AKAP10: variants seen among roughly 807,000 people sequenced by gnomAD.
The protein encoded by AKAP10 is A-kinase anchor protein 10, mitochondrial.
Under a neutral mutation model 80.8 loss-of-function variants are expected in AKAP10, and 24 were observed. That is an observed-to-expected ratio of 0.30 (90% confidence interval 0.22 to 0.42). The LOEUF is 0.42. AKAP10 is among the 10% of genes least tolerant of loss of function. The probability of loss-of-function intolerance (pLI) is 1.00; values close to 1 mark genes in which losing one functional copy is unlikely to be tolerated. For missense variants in AKAP10, 661 were observed against 794.9 expected (o/e 0.83, Z 2.03); for synonymous variants, 291 against 277.7 (o/e 1.05, Z -0.48).
chr17:19,907,165 T>A (rs182380499), intron 14 of AKAP10, among the ~76,000 whole-genome samples: 553 of 151,206 alleles, frequency 3.7e-3, no homozygotes, highest in Middle Eastern at 0.017. Flanking sequence ...TTACAGGCAA[T>A]GCGCCACCAC....
intron 1 of AKAP10, among the ~76,000 whole-genome samples, chr17:19,970,269 A>G (rs2043478076): frequency 6.6e-6 from 1 of 152,146 alleles, no homozygotes; most frequent in Non-Finnish European, 1.5e-5. Flanking sequence ...TCTGTTTATT[A>G]CCTTCCACAT....
intron 1 of AKAP10, among the ~76,000 whole-genome samples, chr17:19,971,205 CAT>C (rs2043493329): frequency 6.6e-6 from 1 of 151,840 alleles, no homozygotes; most frequent in Non-Finnish European, 1.5e-5. Context: ...TTATTCTGCA[CAT>C]CTTTAAAAAT....
In AKAP10 at chr17:19,966,048, C is replaced by T. The variant is rs138998772; in HGVS notation, c.136+2366G>A. Among the ~76,000 whole-genome samples, 229 of 152,290 alleles carry T rather than the reference C, an allele frequency of 1.5e-3. 2 individuals are homozygous for T. Among genetic ancestry groups the T allele is most frequent in the African/African-American group, 5.2e-3 (216 of 41,556 alleles). ...TTGCTAGACTCTAAAAAATCACTCT[C>T]TAACCTTTGGTTTAAAACTCAGACC... On this transcript the variant is annotated intron_variant, in intron 2 of 14. Coordinates refer to ENST00000225737, the MANE Select transcript of AKAP10 (RefSeq NM_007202.4).
chr17:19,976,123 T>C (rs2043562497), intron 1 of AKAP10, among the ~76,000 whole-genome samples: 1 of 152,220 alleles, frequency 6.6e-6, no homozygotes, highest in South Asian at 2.1e-4. Flanking sequence ...TTAACTGGTC[T>C]GCCCCTGTTA....
rs536173924 is a variant in AKAP10, at chr17:19,969,429, G to A, written c.89-968C>T. On this transcript the variant is annotated intron_variant, in intron 1 of 14. Transcript: ENST00000225737. Reference sequence around the variant, plus strand: ...TACATAAAACAGTAAAAATTCTGCTGTAGATAAGCTAATATGACATCCAAG... The same window carrying A: ...TACATAAAACAGTAAAAATTCTGCTATAGATAAGCTAATATGACATCCAAG... 1.1e-4 allele frequency among the ~76,000 whole-genome samples: 16 copies of A among 152,202 alleles called. No individual in the cohort carries two copies. In the South Asian group the frequency reaches 3.3e-3, roughly 32 times the overall value.
intron 2 of AKAP10, among the ~76,000 whole-genome samples, chr17:19,966,724 TCTG>T (rs2043424574): frequency 5.3e-5 from 8 of 152,194 alleles, no homozygotes; most frequent in African/African-American, 9.6e-5. Flanking sequence ...AAATGAAGAA[TCTG>T]AAGAAAGTTA....
intron 12 of AKAP10, among the ~76,000 whole-genome samples, chr17:19,919,318 T>C (rs2042785191): frequency 2.0e-5 from 3 of 152,164 alleles, no homozygotes; most frequent in Admixed American, 2.0e-4. Context: ...CTTAATCCAG[T>C]CTATTTTCCA....
intron 12 of AKAP10, among the ~76,000 whole-genome samples, chr17:19,914,628 C>CAAAA (rs36071856): frequency 6.2e-4 from 36 of 58,426 alleles, no homozygotes; most frequent in African/African-American, 1.4e-3. Context: ...GACCCTATCT[C>CAAAA]AAAAAAAAAA....
Position 19,943,457 on chromosome 17 carries a change from G to A in AKAP10, c.977-1547C>T, listed in dbSNP as rs543532336. On this transcript the variant is annotated intron_variant, in intron 5 of 14. Coordinates refer to ENST00000225737, the MANE Select transcript of AKAP10 (RefSeq NM_007202.4). ...GAAGTCTCCACAAAAAACCCAAAAG[G>A]ACAGAATGGGGAGGGGGGCTTCTGA... Among the ~76,000 whole-genome samples the A allele has an allele frequency of 2.6e-4, 40 of 152,268 alleles. No individual in the cohort carries two copies. The South Asian group carries it at 6.4e-3, about 24-fold the overall frequency.
At chr17:19,964,947 C>T (rs770957194) in intron 2 of AKAP10, among the ~76,000 whole-genome samples, 8 of 152,186 alleles carry the variant, frequency 5.3e-5, no homozygotes, top group Admixed American at 2.6e-4. Flanking sequence ...TCAAGGGAAA[C>T]ATCTTACTCA....
intron 9 of AKAP10, among the ~76,000 whole-genome samples, chr17:19,934,498 C>T (rs2042971816): frequency 1.3e-5 from 2 of 152,266 alleles, no homozygotes; most frequent in East Asian, 3.9e-4. Context: ...TAGGTGCATG[C>T]CACTACGCCC....
At chr17:19,926,724 A>T (rs2152412133) in intron 10 of AKAP10, among the ~76,000 whole-genome samples, 1 of 152,378 alleles carries the variant, frequency 6.6e-6, no homozygotes, top group South Asian at 2.1e-4. Flanking sequence ...AGGAGGTGAA[A>T]GGCTTCTACT....
At chr17:19,941,794 G>A in intron 6 of AKAP10, 32 bp downstream of exon 6, 1 of 1,502,434 alleles carries the variant, frequency 6.7e-7, no homozygotes, top group Non-Finnish European at 9.0e-7. Context: ...AATTCCCTAG[G>A]ATGCACAATG....
chr17:19,941,093 C>T, intron 6 of AKAP10, 83 bp from the exon 7 acceptor site: 4 of 1,434,358 alleles, frequency 2.8e-6, no homozygotes, highest in Non-Finnish European at 2.8e-6. Flanking sequence ...TCCATACTGT[C>T]CCTATTGTAT....
In AKAP10 at chr17:19,905,461, G is replaced by A. The variant is rs2042623330; in HGVS notation, c.*766C>T. 6.6e-6 allele frequency: 1 copy of A among 152,318 alleles called. No individual in the cohort carries two copies. The highest frequency in any genetic ancestry group is 2.1e-4 in the South Asian group (1 of 4,834). The allele number at this position is 152,318 out of a possible 1,614,324, so 9.4% of individuals were successfully genotyped here. A position where few individuals can be genotyped will look rare whatever the true frequency, so the allele number is the denominator to read the frequency against. On this transcript the variant is annotated 3_prime_UTR_variant, in exon 15 of 15. Coordinates refer to ENST00000225737, the MANE Select transcript of AKAP10 (RefSeq NM_007202.4). ...TTTCCACATGTATTCTGAAGGGAAA[G>A]TTAAGTAACTGGAGTGCAGAATTCC...
chr17:19,921,256 C>T (rs140409573), intron 11 of AKAP10, among the ~76,000 whole-genome samples: 5,439 of 151,820 alleles, frequency 0.036, 246 homozygotes, highest in African/African-American at 0.11. Context: ...CAACCTCCAC[C>T]TCCCGGGTTC....
chr17:19,910,153 C>A (rs1432203460), intron 12 of AKAP10, among the ~76,000 whole-genome samples, 175 bp from the exon 13 acceptor site: 1 of 151,814 alleles, frequency 6.6e-6, no homozygotes, highest in Non-Finnish European at 1.5e-5. Context: ...CATGGTGAAA[C>A]CTGTCTCTAC....
intron 4 of AKAP10, 139 bp downstream of exon 4, chr17:19,957,875 C>CA: frequency 1.1e-6 from 1 of 914,334 alleles, no homozygotes; most frequent in Non-Finnish European, 1.6e-6. Flanking sequence ...CTACACTCTC[C>CA]AAATTCTCCC....
intron 13 of AKAP10, 96 bp from the exon 14 acceptor site, chr17:19,909,372 A>C: frequency 1.9e-6 from 2 of 1,036,152 alleles, no homozygotes; most frequent in East Asian, 2.7e-5. Flanking sequence ...TACGCACATA[A>C]TTTCTACTTA....
Sources: allele counts gnomAD v4.1 joint callset (sites outside exome capture counted in the v4.1 genomes callset), GRCh38; gene constraint gnomAD v4.1.1; transcripts MANE v1.5; gene names NCBI Gene and HGNC (gene_info 2026-07-23, HGNC 2026-07-21).